The following SPTB variants were observed in gnomAD, a reference collection of about 807,000 sequenced individuals.
The protein encoded by SPTB is spectrin beta chain, erythrocytic.
SPTB carries 45 observed loss-of-function variants against 256.2 expected under a neutral mutation model. The ratio of observed to expected loss-of-function variants is 0.18; its 90% CI spans 0.14 to 0.23. SPTB has a LOEUF of 0.23. SPTB is among the 10% of genes least tolerant of loss of function. The pLI is 1.00. For missense variants in SPTB, 2,715 were observed against 3,040.4 expected, an observed-to-expected ratio of 0.89 and a Z score of 2.52; for synonymous variants, 1,231 against 1,243.1, an observed-to-expected ratio of 0.99 and a Z score of 0.21.
At chr14:64,751,472 T>C (rs2081949543) in intron 33 of SPTB, among the ~76,000 whole-genome samples, 1 of 152,284 alleles carries the variant, frequency 6.6e-6, no homozygotes, top group South Asian at 2.1e-4. Flanking sequence ...TGGAAGACTT[T>C]CACAATCCCT....
chr14:64,875,146 AG>A (rs527415276), intron 1 of SPTB, among the ~76,000 whole-genome samples: 2 of 152,364 alleles, frequency 1.3e-5, no homozygotes, highest in Non-Finnish European at 2.9e-5. Flanking sequence ...TGAGGTAGGA[AG>A]AAGAGGGCTT....
intron 2 of SPTB, among the ~76,000 whole-genome samples, chr14:64,818,536 A>C (rs1236896480): frequency 1.3e-5 from 2 of 152,260 alleles, no homozygotes; most frequent in East Asian, 3.9e-4. Flanking sequence ...CTGAGGCAGC[A>C]TCCTCACTGG....
Position 64,785,910 on chromosome 14 carries a change from T to C in SPTB, c.3603A>G (p.Glu1201=), listed in dbSNP as rs778654270. 1.1e-5 allele frequency: 17 copies of C among 1,613,980 alleles called. No individual in the cohort carries two copies. The South Asian group carries it at 1.5e-4, about 15-fold the overall frequency. Residue 1201 remains glutamate (E), a synonymous_variant, in exon 17 of 36, where the codon GAA becomes GAG. Coordinates refer to ENST00000644917, the MANE Select transcript of SPTB (RefSeq NM_001355436.2). The surrounding 1 kb of genome is among the most constrained non-coding windows in gnomAD (Gnocchi z 4.4). ...LAHLEPPDSL[E]AAEAGIRKFE... is the part of the protein sequence containing the mutation. ...ACTTCCGGATCCCAGCCTCTGCAGCTTCCAGGGAGTCTGGGGGCTCCAAGT... is the reference window on the plus strand; with the variant it reads ...ACTTCCGGATCCCAGCCTCTGCAGCCTCCAGGGAGTCTGGGGGCTCCAAGT...
intron 2 of SPTB, among the ~76,000 whole-genome samples, chr14:64,820,076 G>A (rs2083262062): frequency 6.6e-6 from 1 of 152,124 alleles, no homozygotes; most frequent in African/African-American, 2.4e-5. Flanking sequence ...GAAGACGCCA[G>A]GCCAGTCTCC....
chr14:64,837,014 TG>T (rs1814828237), intron 1 of SPTB, among the ~76,000 whole-genome samples: 1 of 152,210 alleles, frequency 6.6e-6, no homozygotes, highest in Non-Finnish European at 1.5e-5. Flanking sequence ...GAAAGGCAAC[TG>T]TCTATTGCAG....
In SPTB at chr14:64,770,988, G is replaced by T. The variant is rs763349032; in HGVS notation, c.5695C>A (p.Leu1899Ile). The change falls in exon 27 of 36, where the codon CTA becomes ATA. Residue 1899 changes from leucine (L) to isoleucine (I), a missense_variant. Physicochemically the swap from Leu to Ile is conservative, Grantham distance 5. Transcript: ENST00000644917. ...CGGAATTTATCCGCCGTGTCCACTA[G>T]CTGGGTCCGGCGCCCGGCACAGGCA... is the stretch of plus-strand genomic sequence containing the variant. ...LDACAGRRTQ[L>I]VDTADKFRFF... is the part of the protein sequence containing the mutation. 2 of 1,614,146 alleles carry T rather than the reference G, an allele frequency of 1.2e-6. No individual in the cohort carries two copies. The highest frequency in any genetic ancestry group is 3.3e-5 in the Admixed American group (2 of 60,038).
chr14:64,752,101 CAA>C, intron 33 of SPTB: 1 of 1,143,468 alleles, frequency 8.7e-7, no homozygotes, highest in Non-Finnish European at 1.1e-6. Context: ...CTAAACAAAA[CAA>C]AACAAAACAA....
chr14:64,763,741 G>C, intron 32 of SPTB: 1 of 518,930 alleles, frequency 1.9e-6, no homozygotes, highest in Non-Finnish European at 3.8e-6. Flanking sequence ...TCTTCTGCCT[G>C]GCCTCCCATG....
intron 29 of SPTB, among the ~76,000 whole-genome samples, chr14:64,768,753 C>A (rs1031639219): frequency 2.0e-5 from 3 of 151,500 alleles, no homozygotes; most frequent in Admixed American, 1.3e-4. Context: ...GCTCTGCAGG[C>A]ATACCAGCCC....
At chr14:64,876,869 T>C (rs1249274244) in intron 1 of SPTB, among the ~76,000 whole-genome samples, 2 of 152,194 alleles carry the variant, frequency 1.3e-5, no homozygotes, top group African/African-American at 2.4e-5. Flanking sequence ...GTAAACCATA[T>C]TGGCCTTGAG....
intron 2 of SPTB, among the ~76,000 whole-genome samples, chr14:64,814,069 T>G (rs1386985364): frequency 6.6e-6 from 1 of 152,142 alleles, no homozygotes; most frequent in Non-Finnish European, 1.5e-5. Context: ...TAGCTAGGGG[T>G]GATTCTAAGA....
Position 64,822,991 on chromosome 14 carries a change from C to A in SPTB, c.104G>T (p.Ser35Ile), listed in dbSNP as rs2083320412. 1.2e-6 allele frequency: 2 copies of A among 1,614,052 alleles called. No homozygotes were observed. Among genetic ancestry groups the A allele is most frequent in the African/African-American group, 2.7e-5 (2 of 75,066 alleles). ...APDDELDNDN[S>I]SARLFERSRI... ...GGACCTCTCAAAGAGCCTGGCTGAGCTGTTGTCATTATCCAGCTCGTCGTC... is the reference window on the plus strand; with the variant it reads ...GGACCTCTCAAAGAGCCTGGCTGAGATGTTGTCATTATCCAGCTCGTCGTC... The change falls in exon 2 of 36, where the codon AGC becomes ATC. Residue 35 changes from serine (S) to isoleucine (I), a missense_variant. This residue lies in a region of SPTB where 58 missense variants were observed against 67.9 expected (regional missense o/e 0.85). Coordinates refer to ENST00000644917, the MANE Select transcript of SPTB (RefSeq NM_001355436.2).
intron 23 of SPTB, among the ~76,000 whole-genome samples, 196 bp downstream of exon 23, chr14:64,774,929 C>T (rs2082334958): frequency 1.3e-5 from 2 of 152,116 alleles, no homozygotes; most frequent in Admixed American, 1.3e-4. Flanking sequence ...CAGGAGGCAC[C>T]TGGCTTCAGT....
At chr14:64,864,237 A>G (rs949707614) in intron 1 of SPTB, among the ~76,000 whole-genome samples, 15 of 152,236 alleles carry the variant, frequency 9.9e-5, no homozygotes, top group African/African-American at 3.6e-4. Context: ...TGGGAGGATC[A>G]CTTGAGCCCA....
At chr14:64,835,690 G>A (rs2083513690) in intron 1 of SPTB, among the ~76,000 whole-genome samples, 2 of 152,190 alleles carry the variant, frequency 1.3e-5, no homozygotes, top group East Asian at 3.9e-4. Context: ...CTGCTCAGGA[G>A]GGATATTTGG....
chr14:64,821,043 A>G (rs1464011656), intron 2 of SPTB, among the ~76,000 whole-genome samples: 7 of 152,100 alleles, frequency 4.6e-5, no homozygotes, highest in African/African-American at 1.7e-4. Flanking sequence ...TGGTGACAAC[A>G]CACACAGGCC....
rs1290014396 is a variant in SPTB at position 64,746,469 on chromosome 14, T to C, written c.*2837A>G. 1 of 152,704 alleles carries C rather than the reference T, an allele frequency of 6.5e-6. No individual in the cohort carries two copies. The highest frequency in any genetic ancestry group is 1.5e-5 in the Non-Finnish European group (1 of 68,098). The allele number at this position is 152,704 out of a possible 1,614,324, so 9.5% of individuals were successfully genotyped here. ...TCCTCATTTCCTCCCTGAGCTTGTT[T>C]GTCCAAGCCACCAAGCCATGTGGTC... is the stretch of plus-strand genomic sequence containing the variant. On this transcript the variant is annotated 3_prime_UTR_variant, in exon 36 of 36. Transcript: ENST00000644917. This position sits in a 1 kb window ranked among gnomAD's most constrained non-coding sequence, Gnocchi z 4.9.
chr14:64,771,198 G>C, intron 26 of SPTB, 69 bp from the exon 27 acceptor site: 12 of 1,604,148 alleles, frequency 7.5e-6, no homozygotes, highest in Non-Finnish European at 9.3e-6. Context: ...CCTAGGACTG[G>C]AAGGGCAGCT....
At position 64,871,353 on chromosome 14, in the gene SPTB, T is replaced by C. The variant is rs537182471; in HGVS notation, c.-52+8439A>G. On this transcript the variant is annotated intron_variant, in intron 1 of 35. Transcript: ENST00000644917. ...TAAGTAGAGGGTTTGTGATGGAAAG[T>C]GGTAAAAGAGTAGAAAAAAAGAGAC... Among the ~76,000 whole-genome samples, 5 of 152,172 alleles carry C rather than the reference T, an allele frequency of 3.3e-5. No individual in the cohort carries two copies. The South Asian group carries it at 1.0e-3, about 32-fold the overall frequency.
Sources: gnomAD v4.1 joint callset for allele counts (sites outside exome capture counted in the v4.1 genomes callset) on GRCh38, gnomAD v4.1.1 for gene constraint, gnomAD v4.1.1 regional missense constraint, Gnocchi (gnomAD v3.1) non-coding constraint, MANE v1.5 for transcripts, NCBI Gene and HGNC (gene_info 2026-07-23, HGNC 2026-07-21) for gene names.